The following NFASC variants were observed in gnomAD, a reference collection of about 807,000 sequenced individuals.
NFASC encodes the protein neurofascin.
Under a neutral mutation model 147.5 loss-of-function variants are expected in NFASC, and 43 were observed. The ratio of observed to expected loss-of-function variants is 0.29; its 90% CI spans 0.23 to 0.38. The LOEUF (loss-of-function observed/expected upper bound fraction) is 0.38, where lower values mean the gene tolerates loss of function less well. NFASC is among the 10% of genes least tolerant of loss of function. NFASC has a pLI of 1.00. For missense variants in NFASC, 1,320 were observed against 1,689.0 expected (o/e 0.78, Z 3.83); for synonymous variants, 622 against 665.5 (o/e 0.93, Z 1.01).
intron 1 of NFASC, among the ~76,000 whole-genome samples, chr1:204,882,598 C>T (rs1016317955): frequency 2.0e-5 from 3 of 152,124 alleles, no homozygotes; most frequent in Non-Finnish European, 4.4e-5. Context: ...TGGCCCGTCT[C>T]CCCCACTGGA....
chr1:204,943,666 G>A (rs986945051), intron 2 of NFASC, among the ~76,000 whole-genome samples: 16 of 152,052 alleles, frequency 1.1e-4, no homozygotes, highest in South Asian at 6.2e-4. Context: ...TGCCCCCTTC[G>A]TCCTGGGATC....
At chr1:204,861,680 G>A (rs1266410838) in intron 1 of NFASC, among the ~76,000 whole-genome samples, 7 of 152,118 alleles carry the variant, frequency 4.6e-5, no homozygotes, top group South Asian at 2.1e-4. Context: ...TAGTAGAGAC[G>A]GGGTTTCACC....
intron 1 of NFASC, among the ~76,000 whole-genome samples, chr1:204,868,635 G>A (rs2077314004): frequency 6.6e-6 from 1 of 152,194 alleles, no homozygotes. Flanking sequence ...TTTGGGAGAT[G>A]GGCTGGGCAG....
At chr1:204,854,372 C>T (rs1218180430) in intron 1 of NFASC, among the ~76,000 whole-genome samples, 6 of 152,118 alleles carry the variant, frequency 3.9e-5, no homozygotes, top group Admixed American at 2.0e-4. Flanking sequence ...ACCCCGGTTG[C>T]GTTGCCTTCC....
rs1167756267 is a variant in NFASC, at chr1:205,000,843, A to C, written c.3020-327A>C. 19 of 355,168 alleles carry C rather than the reference A, an allele frequency of 5.3e-5. 2 individuals are homozygous for C. The Admixed American group carries it at 8.5e-4, about 16-fold the overall frequency. The allele number at this position is 355,168 out of a possible 1,614,324, so 22.0% of individuals were successfully genotyped here. A position where few individuals can be genotyped will look rare whatever the true frequency, so the allele number is the denominator to read the frequency against. ...CTCCATCTCAAAAAAAAAAAAACAGAAAACAAAAAAACTCTTTCATTCCTA... is the reference window on the plus strand; with the variant it reads ...CTCCATCTCAAAAAAAAAAAAACAGCAAACAAAAAAACTCTTTCATTCCTA... On this transcript the variant is annotated intron_variant, in intron 25 of 29. Coordinates refer to ENST00000339876, the MANE Select transcript of NFASC (RefSeq NM_001005388.3).
chr1:204,964,671 G>A (rs2094852280), intron 8 of NFASC, among the ~76,000 whole-genome samples: 1 of 152,202 alleles, frequency 6.6e-6, no homozygotes, highest in South Asian at 2.1e-4. Context: ...TAGAGCAAGA[G>A]AGGTGAATGA....
chr1:204,987,340 G>C lies in NFASC; in HGVS notation c.2471-78G>C. 7.1e-7 allele frequency: 1 copy of C among 1,400,272 alleles called. No homozygotes were observed. The highest frequency in any genetic ancestry group is 1.4e-5 in the African/African-American group (1 of 70,446). 86.7% of individuals were successfully genotyped at this position (1,400,272 alleles called of 1,614,324 possible). A position where few individuals can be genotyped will look rare whatever the true frequency, so the allele number is the denominator to read the frequency against. On this transcript the variant is annotated intron_variant, in intron 21 of 29. Coordinates refer to ENST00000339876, the MANE Select transcript of NFASC (RefSeq NM_001005388.3). This position sits in a 1 kb window ranked among gnomAD's most constrained non-coding sequence, Gnocchi z 4.4. ...TCCAGAGGTCAATGCCTTCATACTT[G>C]TGCTTTGTTTTTTGTGTTTTCCTCA...
intron 28 of NFASC, chr1:205,011,024 C>G (rs967755157): frequency 6.6e-6 from 1 of 152,118 alleles, no homozygotes; most frequent in African/African-American, 2.4e-5. Flanking sequence ...GCAAGAGAGC[C>G]ATCTGTCTGT....
At chr1:204,906,971 G>A (rs2086142591) in intron 1 of NFASC, among the ~76,000 whole-genome samples, 1 of 152,162 alleles carries the variant, frequency 6.6e-6, no homozygotes, top group Non-Finnish European at 1.5e-5. Flanking sequence ...TTTCTCTGGA[G>A]TACATACCAG....
chr1:204,975,291 A>G lies in NFASC; in HGVS notation c.1579A>G (p.Met527Val). Residue 527 changes from methionine to valine, a missense_variant, in exon 15 of 30, where the codon ATG (methionine) becomes GTG (valine). By Grantham distance (21) the Met-to-Val change is conservative. Around this residue, in one of 3 missense-constraint regions of NFASC, gnomAD observed 981 missense variants for 1,289.5 expected, o/e 0.76. Coordinates refer to ENST00000339876, the MANE Select transcript of NFASC (RefSeq NM_001005388.3). The surrounding 1 kb of genome is among the most constrained non-coding windows in gnomAD (Gnocchi z 4.0). ...CACAGACCCCACCAGGATCTACCGG[A>G]TGCCCGAGGACCAGGTGGCCAGAAG... The part of the protein sequence containing the change: ...EVKDPTRIYR[M>V]PEDQVARRGT... 6.2e-7 allele frequency: 1 copy of G among 1,613,300 alleles called. No homozygotes were observed. The highest frequency in any genetic ancestry group is 8.5e-7 in the Non-Finnish European group (1 of 1,179,512).
chr1:204,890,007 G>A (rs768668238), intron 1 of NFASC, among the ~76,000 whole-genome samples: 1 of 152,182 alleles, frequency 6.6e-6, no homozygotes, highest in Non-Finnish European at 1.5e-5. Flanking sequence ...CCTCGGGGCT[G>A]TAACAAAGTC....
chr1:204,915,300 T>A (rs2088919389), intron 1 of NFASC, among the ~76,000 whole-genome samples: 1 of 151,964 alleles, frequency 6.6e-6, no homozygotes, highest in South Asian at 2.1e-4. Flanking sequence ...AAAATAAAAA[T>A]AATAATAACA....
Position 204,987,553 on chromosome 1 carries a change from C to T in NFASC, c.2593+13C>T. The T allele has an allele frequency of 6.2e-7, 1 of 1,613,928 alleles. No individual in the cohort carries two copies. Among genetic ancestry groups the T allele is most frequent in the Non-Finnish European group, 8.5e-7 (1 of 1,179,872 alleles). On this transcript the variant is annotated intron_variant, in intron 22 of 29. Transcript: ENST00000339876. The surrounding 1 kb of genome is among the most constrained non-coding windows in gnomAD (Gnocchi z 4.4). ...AAATATGTGGCCTGTACGTTCTGCC[C>T]TTCCCTTTCTCTTAGATAATCTGGG...
At chr1:204,879,916 T>C (rs1486327629) in intron 1 of NFASC, among the ~76,000 whole-genome samples, 2 of 152,220 alleles carry the variant, frequency 1.3e-5, no homozygotes. Context: ...TCAGATGGTT[T>C]GGGGTTCTCA....
chr1:204,839,368 AACACACACACACACACACACACACACAC>A (rs55784616), intron 1 of NFASC, among the ~76,000 whole-genome samples: 1 of 135,102 alleles, frequency 7.4e-6, no homozygotes, highest in African/African-American at 2.7e-5. Context: ...GCACGTATGA[AACACACACACACACACACACACACACAC>A]ACACACACAC....
chr1:204,880,521 A>G (rs1003575568), intron 1 of NFASC, among the ~76,000 whole-genome samples: 5 of 152,004 alleles, frequency 3.3e-5, no homozygotes, highest in Middle Eastern at 3.4e-3. Flanking sequence ...ACGCCTAGCT[A>G]ATTTTTTGTA....
intron 1 of NFASC, among the ~76,000 whole-genome samples, chr1:204,839,415 ACAC>A: frequency 7.4e-6 from 1 of 134,998 alleles, no homozygotes; most frequent in Non-Finnish European, 1.6e-5. Flanking sequence ...ACACACACAC[ACAC>A]GATAGGGAAA....
chr1:204,996,518 G>A lies in NFASC; in HGVS notation c.2783-652G>A, dbSNP rs1405982596. On this transcript the variant is annotated intron_variant, in intron 24 of 29. Coordinates refer to ENST00000339876, the MANE Select transcript of NFASC (RefSeq NM_001005388.3). ...CACTGAGCAGAGAAGGGAAAGAGAG[G>A]GAGGAGAGGCAGGGGAATGACCGAG... 2.0e-5 allele frequency among the ~76,000 whole-genome samples: 3 copies of A among 152,276 alleles called. No individual in the cohort carries two copies. In the East Asian group the frequency reaches 5.8e-4, roughly 29 times the overall value.
intron 1 of NFASC, among the ~76,000 whole-genome samples, chr1:204,830,078 G>A (rs1471910277): frequency 6.6e-6 from 1 of 151,146 alleles, no homozygotes; most frequent in Non-Finnish European, 1.5e-5. Flanking sequence ...TCAGTGTGGG[G>A]GAGAGGACAA....
Sources: gnomAD v4.1 joint callset for allele counts (sites outside exome capture counted in the v4.1 genomes callset) on GRCh38, gnomAD v4.1.1 for gene constraint, gnomAD v4.1.1 regional missense constraint, Gnocchi (gnomAD v3.1) non-coding constraint, MANE v1.5 for transcripts, NCBI Gene and HGNC (gene_info 2026-07-23, HGNC 2026-07-21) for gene names.